TMEM178A: variants seen among roughly 807,000 people sequenced by gnomAD.
The protein encoded by TMEM178A is transmembrane protein 178A, also known as transmembrane protein 178.
In TMEM178A, 12 loss-of-function variants were observed where a neutral mutation model predicts 29.1. That is an observed-to-expected ratio of 0.41 (90% CI 0.26 to 0.67). The LOEUF (loss-of-function observed/expected upper bound fraction) is 0.67. TMEM178A is among the 30% of genes least tolerant of loss of function. TMEM178A has a pLI of 0.29. For missense variants in TMEM178A, 366 were observed against 419.1 expected, an observed-to-expected ratio of 0.87 and a Z score of 1.11; for synonymous variants, 210 against 187.2, an observed-to-expected ratio of 1.12 and a Z score of -0.99.
Position 39,704,132 on chromosome 2 carries a change from G to A in TMEM178A, c.452G>A (p.Arg151His), listed in dbSNP as rs766451293. 2.7e-5 allele frequency: 43 copies of A among 1,613,970 alleles called. No individual in the cohort carries two copies. In the East Asian group the frequency reaches 2.9e-4, roughly 11 times the overall value. Residue 151 changes from arginine (R) to histidine (H), a missense_variant, in exon 2 of 4, where the codon CGC becomes CAC. By Grantham distance (29) the Arg-to-His change is conservative (BLOSUM62 0). Around this residue, in one of 2 missense-constraint regions of TMEM178A, gnomAD observed 247 missense variants for 246.8 expected, o/e 1.00. Coordinates refer to ENST00000281961, the MANE Select transcript of TMEM178A (RefSeq NM_152390.3). ...AAGTACCACTTTTCTCAGCCCATCC[G>A]CTTGCGAAACATTCCTTTTAATTTA... is the stretch of plus-strand genomic sequence containing the variant. ...AIKYHFSQPIRLRNIPFNLTK... is the reference protein window; with the variant it reads ...AIKYHFSQPIHLRNIPFNLTK...
intron 1 of TMEM178A, among the ~76,000 whole-genome samples, 179 bp downstream of exon 1, chr2:39,666,553 CCTT>C (rs1010927986): frequency 6.6e-6 from 1 of 152,048 alleles, no homozygotes; most frequent in Non-Finnish European, 1.5e-5. Context: ...CCACTGCCTC[CCTT>C]CTTCTCCCTC....
chr2:39,674,609 A>C (rs1285221181), intron 1 of TMEM178A, among the ~76,000 whole-genome samples: 2 of 152,208 alleles, frequency 1.3e-5, no homozygotes, highest in East Asian at 1.9e-4. Context: ...ACAAATCACC[A>C]CTAAAGGACT....
downstream of TMEM178A, among the ~76,000 whole-genome samples, chr2:39,718,916 ATTC>A (rs1475439358): frequency 2.0e-5 from 3 of 152,204 alleles, no homozygotes; most frequent in Non-Finnish European, 2.9e-5. Flanking sequence ...TTCATAAAAG[ATTC>A]TTTTCTTTCT....
intron 1 of TMEM178A, among the ~76,000 whole-genome samples, chr2:39,689,125 A>C (rs930534733): frequency 6.6e-6 from 1 of 152,226 alleles, no homozygotes; most frequent in East Asian, 1.9e-4. Flanking sequence ...AAACTTTTGA[A>C]AGTGTAGCTC....
chr2:39,665,982 C>T lies in TMEM178A; in HGVS notation c.8C>T (p.Pro3Leu), dbSNP rs1670130241. Residue 3 changes from proline to leucine, a missense_variant, in exon 1 of 4, where the codon CCG becomes CTG. Pro to Leu is a moderately conservative substitution (Grantham distance 98, BLOSUM62 -3). Around this residue, in one of 2 missense-constraint regions of TMEM178A, gnomAD observed 247 missense variants for 246.8 expected, o/e 1.00. Transcript: ENST00000281961. ...GCGGCGGGGCGGGAAGCCATGGAGC[C>T]GCGGGCGCTCGTCACGGCGCTCAGC... ME[P>L]RALVTALSLG... 10 of 1,380,448 alleles carry T rather than the reference C, an allele frequency of 7.2e-6. No homozygotes were observed. The highest frequency in any genetic ancestry group is 9.4e-6 in the Non-Finnish European group (10 of 1,068,156). The allele number at this position is 1,380,448 out of a possible 1,614,324, so 85.5% of individuals were successfully genotyped here.
the TMEM178A span, among the ~76,000 whole-genome samples, chr2:39,732,113 C>T: frequency 6.6e-6 from 1 of 152,262 alleles, no homozygotes; most frequent in South Asian, 2.1e-4. Context: ...CTCAGGCCAT[C>T]TCTCCTTCCA....
At chr2:39,719,402 AAGAT>A (rs1453075233), downstream of TMEM178A, among the ~76,000 whole-genome samples, 3 of 152,204 alleles carry the variant, frequency 2.0e-5, no homozygotes, top group African/African-American at 7.2e-5. Context: ...ACACACCAGA[AAGAT>A]TTGCCTCGAA....
rs201458206 is a variant in TMEM178A, at chr2:39,702,071, C to CTT, written c.401-2001_401-2000dup. On this transcript the variant is annotated intron_variant, in intron 1 of 3. Coordinates refer to ENST00000281961, the MANE Select transcript of TMEM178A (RefSeq NM_152390.3). ...CCTCAGTGACAGCTTCTATTGACTG[C>CTT]TTTTTTTTTTCTTTTACTTTGAATG... 4.0e-3 allele frequency among the ~76,000 whole-genome samples: 589 copies of CTT among 148,488 alleles called. 3 individuals are homozygous for CTT. Among genetic ancestry groups the CTT allele is most frequent in the African/African-American group, 0.013 (527 of 40,544 alleles).
At chr2:39,719,424 G>C (rs72936034), downstream of TMEM178A, among the ~76,000 whole-genome samples, 4,203 of 152,294 alleles carry the variant, frequency 0.028, 191 homozygotes, top group African/African-American at 0.095. Flanking sequence ...GAAGCCAGGG[G>C]AGTTCACTTA....
intron 1 of TMEM178A, among the ~76,000 whole-genome samples, chr2:39,691,663 A>T (rs1242337385): frequency 6.6e-6 from 1 of 152,134 alleles, no homozygotes; most frequent in Non-Finnish European, 1.5e-5. Context: ...TAAAATCAGG[A>T]TCTCGAAGAA....
chr2:39,674,089 G>A (rs1481498876), intron 1 of TMEM178A, among the ~76,000 whole-genome samples: 1 of 152,194 alleles, frequency 6.6e-6, no homozygotes, highest in Non-Finnish European at 1.5e-5. Flanking sequence ...GACAATGGAA[G>A]TTTGGTTGAA....
Position 39,707,045 on chromosome 2 carries a change from T to A in TMEM178A, c.515-4T>A. 1 of 1,597,978 alleles carries A rather than the reference T, an allele frequency of 6.3e-7. No individual in the cohort carries two copies. Among genetic ancestry groups the A allele is most frequent in the East Asian group, 2.2e-5 (1 of 44,798 alleles). On this transcript the variant is annotated splice_region_variant and splice_polypyrimidine_tract_variant and intron_variant, in intron 2 of 3. Transcript: ENST00000281961. ...GTGAATGTCTGTGTCTGTTTTGAGA[T>A]TAGATTTAAGAAGAATCACTGCTGG... is the stretch of plus-strand genomic sequence containing the variant.
chr2:39,721,595 G>A (rs1672708174), downstream of TMEM178A, among the ~76,000 whole-genome samples: 1 of 152,140 alleles, frequency 6.6e-6, no homozygotes, highest in Admixed American at 6.6e-5. Context: ...GGTTGCCAAG[G>A]TAGGCAGAGG....
intron 1 of TMEM178A, among the ~76,000 whole-genome samples, chr2:39,684,716 C>T (rs980289173): frequency 1.3e-5 from 2 of 152,296 alleles, no homozygotes; most frequent in Admixed American, 6.5e-5. Context: ...TCTTCTCCCC[C>T]GGTCCCTGTC....
intron 1 of TMEM178A, among the ~76,000 whole-genome samples, chr2:39,703,202 C>A (rs528644323): frequency 9.9e-5 from 15 of 152,274 alleles, no homozygotes; most frequent in Middle Eastern, 3.4e-3. Flanking sequence ...AATCAGATTG[C>A]ATTTATCCAA....
Position 39,682,447 on chromosome 2 carries a change from G to C in TMEM178A, c.400+16073G>C, listed in dbSNP as rs146030354. Among the ~76,000 whole-genome samples, 11 of 151,348 alleles carry C rather than the reference G, an allele frequency of 7.3e-5. No individual in the cohort carries two copies. The South Asian group carries it at 2.3e-3, about 32-fold the overall frequency. On this transcript the variant is annotated intron_variant, in intron 1 of 3. Transcript: ENST00000281961. ...AATGCTTATTGCCTTCCTAAATATC[G>C]TATGCTTCTGCTTCTGTTGTCTGCC...
At chr2:39,683,248 C>G (rs1184214186) in intron 1 of TMEM178A, among the ~76,000 whole-genome samples, 1 of 152,202 alleles carries the variant, frequency 6.6e-6, no homozygotes, top group Non-Finnish European at 1.5e-5. Context: ...GGGAAGCCTC[C>G]TACCTCCTCC....
the TMEM178A span, among the ~76,000 whole-genome samples, chr2:39,727,093 G>A: frequency 6.6e-6 from 1 of 152,032 alleles, no homozygotes; most frequent in East Asian, 1.9e-4. Flanking sequence ...TCTCTCTGCC[G>A]AGGTGTTCCA....
the TMEM178A span, among the ~76,000 whole-genome samples, chr2:39,726,190 G>A: frequency 2.0e-5 from 3 of 152,310 alleles, no homozygotes; most frequent in Admixed American, 2.0e-4. Flanking sequence ...GTGGTGATAT[G>A]TGCTATGAAC....
Sources: gnomAD v4.1 joint callset for allele counts (sites outside exome capture counted in the v4.1 genomes callset) on GRCh38, gnomAD v4.1.1 for gene constraint, gnomAD v4.1.1 regional missense constraint, MANE v1.5 for transcripts, NCBI Gene and HGNC (gene_info 2026-07-23, HGNC 2026-07-21) for gene names.